GNG7: variants seen among roughly 807,000 people sequenced by gnomAD.
The protein encoded by GNG7 is G protein subunit gamma 7.
A neutral mutation model predicts 4.0 loss-of-function variants in GNG7; 1 was observed. That is an observed-to-expected ratio of 0.25 (90% CI 0.09 to 1.18). The LOEUF is 1.18. Ranked by LOEUF, GNG7 falls within the 50% of genes most tolerant of loss-of-function variation. The pLI is 0.50. For missense variants in GNG7, 86 were observed against 91.9 expected, an observed-to-expected ratio of 0.94 and a Z score of 0.26; for synonymous variants, 34 against 36.9, an observed-to-expected ratio of 0.92 and a Z score of 0.29.
At chr19:2,521,512 C>T (rs988800819) in intron 3 of GNG7, among the ~76,000 whole-genome samples, 10 of 151,756 alleles carry the variant, frequency 6.6e-5, no homozygotes, top group Admixed American at 3.9e-4. Context: ...GACGGCCCCA[C>T]GCCAGGGAAG....
At chr19:2,603,242 T>C (rs1270535210) in intron 2 of GNG7, among the ~76,000 whole-genome samples, 1 of 152,118 alleles carries the variant, frequency 6.6e-6, no homozygotes, top group Admixed American at 6.6e-5. Flanking sequence ...AATTTTTGTA[T>C]TTTTAGTAGA....
At chr19:2,572,597 C>CAT (rs1980182830) in intron 2 of GNG7, among the ~76,000 whole-genome samples, 1 of 132,866 alleles carries the variant, frequency 7.5e-6, no homozygotes, top group Non-Finnish European at 1.6e-5. Flanking sequence ...GCGCCCGGCC[C>CAT]TTTTTTTTTT....
chr19:2,642,654 C>T (rs1982539323), intron 2 of GNG7: 1 of 389,580 alleles, frequency 2.6e-6, no homozygotes, highest in African/African-American at 2.1e-5. Context: ...GTGCGTGCCA[C>T]CATACCTGTC....
intron 2 of GNG7, among the ~76,000 whole-genome samples, chr19:2,568,368 CACAT>C (rs1368361444): frequency 3.3e-5 from 5 of 151,008 alleles, no homozygotes; most frequent in Admixed American, 2.6e-4. Context: ...TGCACATACA[CACAT>C]ATAGACACAC....
chr19:2,671,770 CATTTT>C (rs758561968), intron 1 of GNG7, among the ~76,000 whole-genome samples: 3 of 152,124 alleles, frequency 2.0e-5, no homozygotes, highest in Non-Finnish European at 2.9e-5. Context: ...TTTTTAGTTT[CATTTT>C]ATTTTATTTT....
At chr19:2,677,555 C>T (rs947461562) in intron 1 of GNG7, among the ~76,000 whole-genome samples, 3 of 152,118 alleles carry the variant, frequency 2.0e-5, no homozygotes, top group Admixed American at 1.3e-4. Flanking sequence ...AAAAAATTCC[C>T]GATGGGGTGG....
Position 2,514,660 on chromosome 19 carries a change from T to C in GNG7, c.*362A>G. 1 of 173,624 alleles carries C rather than the reference T, an allele frequency of 5.8e-6. No individual in the cohort carries two copies. Among genetic ancestry groups the C allele is most frequent in the Non-Finnish European group, 1.2e-5 (1 of 80,864 alleles). 10.8% of individuals were successfully genotyped at this position (173,624 alleles called of 1,614,324 possible). A position where few individuals can be genotyped will look rare whatever the true frequency, so the allele number is the denominator to read the frequency against. On this transcript the variant is annotated 3_prime_UTR_variant, in exon 5 of 5. Transcript: ENST00000382159. ...ACCTCCCTTTCCCCCTCGGCGCCGG[T>C]CCACAATTGAAACGGCAATCGAGAG...
chr19:2,553,655 A>G (rs550736034), intron 3 of GNG7, among the ~76,000 whole-genome samples: 20 of 110,540 alleles, frequency 1.8e-4, no homozygotes, highest in African/African-American at 6.4e-4. Flanking sequence ...TATATTACAT[A>G]CATGCACACG....
Position 2,568,395 on chromosome 19 carries a change from A to AAC in GNG7, c.-77-13209_-77-13208dup, listed in dbSNP as rs764906654. Among the ~76,000 whole-genome samples the AAC allele has an allele frequency of 1.9e-4, 20 of 107,674 alleles. 1 individual carries two copies. The highest frequency in any genetic ancestry group is 3.2e-4 in the Non-Finnish European group (15 of 47,014). 70.6% of individuals were successfully genotyped at this position (107,674 alleles called of 152,430 possible). On this transcript the variant is annotated intron_variant, in intron 2 of 4. Coordinates refer to ENST00000382159, the MANE Select transcript of GNG7 (RefSeq NM_052847.3). ...CATATAGACACACATATACAACACA[A>AAC]ACACACACACATATACACATAGACA...
chr19:2,562,309 A>C (rs1454624915), intron 2 of GNG7, among the ~76,000 whole-genome samples: 1 of 150,490 alleles, frequency 6.6e-6, no homozygotes, highest in African/African-American at 2.4e-5. Flanking sequence ...TTTGAGACAG[A>C]GTCTGGCTCT....
chr19:2,701,243 G>A (rs1386332293), intron 1 of GNG7: 1 of 151,902 alleles, frequency 6.6e-6, no homozygotes, highest in Admixed American at 6.6e-5. Flanking sequence ...TCCCCCAAAA[G>A]TAGAGGGGTG....
intron 3 of GNG7, among the ~76,000 whole-genome samples, chr19:2,532,611 C>G (rs996314377): frequency 3.3e-5 from 5 of 152,090 alleles, no homozygotes; most frequent in African/African-American, 1.2e-4. Context: ...GACCTCAAGC[C>G]ACAGATTTCA....
chr19:2,538,026 A>C, intron 3 of GNG7: 1 of 414,172 alleles, frequency 2.4e-6, no homozygotes, highest in Non-Finnish European at 4.9e-6. Context: ...GTAGTGAGCT[A>C]TGATTGCGCC....
intron 2 of GNG7, among the ~76,000 whole-genome samples, chr19:2,637,212 T>TAC (rs111665515): frequency 4.6e-5 from 7 of 150,846 alleles, no homozygotes; most frequent in Admixed American, 3.3e-4. Context: ...AGGAACAGGC[T>TAC]CCCCCCGCCC....
intron 1 of GNG7, among the ~76,000 whole-genome samples, chr19:2,679,887 A>T (rs1226071816): frequency 3.3e-5 from 5 of 152,186 alleles, no homozygotes; most frequent in Non-Finnish European, 7.4e-5. Context: ...CCCAGATGTG[A>T]AGAAACTCAA....
rs146349833 is a variant in GNG7, at chr19:2,660,982, C to A, written c.-134-14702G>T. 2.7e-3 allele frequency among the ~76,000 whole-genome samples: 413 copies of A among 151,092 alleles called. 4 individuals are homozygous for A. Among genetic ancestry groups the A allele is most frequent in the African/African-American group, 9.7e-3 (400 of 41,208 alleles). On this transcript the variant is annotated intron_variant, in intron 1 of 4. Coordinates refer to ENST00000382159, the MANE Select transcript of GNG7 (RefSeq NM_052847.3). ...ATCCCAGTACTCTGGGAGGCCGAGG[C>A]GGGCAGATCACCTGAGGTTGGGAGT... is the stretch of plus-strand genomic sequence containing the variant.
At chr19:2,550,989 C>T (rs79151403) in intron 3 of GNG7, among the ~76,000 whole-genome samples, 9,223 of 152,226 alleles carry the variant, frequency 0.061, 290 homozygotes, top group South Asian at 0.1. Flanking sequence ...ATTGCTGGAG[C>T]CTCTTGTCAT....
chr19:2,576,650 G>A lies in GNG7; in HGVS notation c.-77-21462C>T, dbSNP rs571516182. 1.5e-3 allele frequency among the ~76,000 whole-genome samples: 221 copies of A among 152,248 alleles called. 1 individual carries two copies. Among genetic ancestry groups the A allele is most frequent in the African/African-American group, 5.1e-3 (212 of 41,528 alleles). ...CAGCCTCCACCTCCTGGGCTCAAGC[G>A]ATCCTCCCACCTCAGCCTCCTGAGT... On this transcript the variant is annotated intron_variant, in intron 2 of 4. Coordinates refer to ENST00000382159, the MANE Select transcript of GNG7 (RefSeq NM_052847.3).
chr19:2,607,912 G>A (rs116356608), intron 2 of GNG7, among the ~76,000 whole-genome samples: 275 of 152,216 alleles, frequency 1.8e-3, no homozygotes, highest in African/African-American at 6.3e-3. Context: ...AGGCGACAGC[G>A]ACACAGGGCA....
Sources: gnomAD v4.1 joint callset for allele counts (sites outside exome capture counted in the v4.1 genomes callset) on GRCh38, gnomAD v4.1.1 for gene constraint, MANE v1.5 for transcripts, NCBI Gene and HGNC (gene_info 2026-07-23, HGNC 2026-07-21) for gene names.